The following CHST9 variants were observed in gnomAD, a reference collection of about 807,000 sequenced individuals.
The protein encoded by CHST9 is carbohydrate sulfotransferase 9, also known as GalNAc-4-sulfotransferase 2.
CHST9 carries 41 observed loss-of-function variants against 44.4 expected under a neutral mutation model. The observed-to-expected ratio is 0.92, with a 90% CI of 0.72 to 1.20. CHST9 has a LOEUF of 1.20. CHST9 is among the 50% of genes most tolerant of loss of function. The pLI, the probability that CHST9 is intolerant of heterozygous loss-of-function variation, is 0.00. For synonymous variants in CHST9, 171 were observed against 178.4 expected (o/e 0.96, Z 0.33); for missense variants, 504 against 516.5 (o/e 0.98, Z 0.23).
intron 1 of CHST9, among the ~76,000 whole-genome samples, chr18:27,162,092 C>A (rs1347078123): frequency 6.6e-6 from 1 of 152,172 alleles, no homozygotes; most frequent in Non-Finnish European, 1.5e-5. Context: ...TCAGTTGGAG[C>A]ATTTAGCCCA....
At chr18:26,985,976 A>G (rs1390429399) in intron 4 of CHST9, among the ~76,000 whole-genome samples, 1 of 152,218 alleles carries the variant, frequency 6.6e-6, no homozygotes, top group African/African-American at 2.4e-5. Context: ...ACTCTCTCCA[A>G]GTAATTTAAC....
intron 2 of CHST9, among the ~76,000 whole-genome samples, chr18:27,134,695 C>T (rs753412769): frequency 2.6e-5 from 4 of 152,118 alleles, no homozygotes; most frequent in East Asian, 1.9e-4. Context: ...ATATAATTCT[C>T]TTATAGGCAC....
Position 27,052,251 on chromosome 18 carries a change from TG to T in CHST9, c.122-3749del, listed in dbSNP as rs2057575405. On this transcript the variant is annotated intron_variant, in intron 2 of 5. Coordinates refer to ENST00000618847, the MANE Select transcript of CHST9 (RefSeq NM_031422.6). Reference sequence around the variant, plus strand: ...ATGTATGTGTGTATATATAGGTGTGTGTGTATATATATATGTGTATATATAT... The same window carrying T: ...ATGTATGTGTGTATATATAGGTGTGTTGTATATATATATGTGTATATATAT... Among the ~76,000 whole-genome samples, 21 of 150,160 alleles carry T rather than the reference TG, an allele frequency of 1.4e-4. No individual in the cohort carries two copies. In the Admixed American group the frequency reaches 1.4e-3, roughly 10 times the overall value.
In CHST9 at chr18:26,913,498, A is replaced by G. The variant is rs1371088034; in HGVS notation, c.*2761T>C. ...ACAGGTTACATAACTGTGGTTTTGG[A>G]TTTAATTGCCAACTTGTTACCCTGA... On this transcript the variant is annotated 3_prime_UTR_variant, in exon 6 of 6. Coordinates refer to ENST00000618847, the MANE Select transcript of CHST9 (RefSeq NM_031422.6). 1 of 152,188 alleles carries G rather than the reference A, an allele frequency of 6.6e-6. No individual in the cohort carries two copies. Among genetic ancestry groups the G allele is most frequent in the African/African-American group, 2.4e-5 (1 of 41,436 alleles). 9.4% of individuals were successfully genotyped at this position (152,188 alleles called of 1,614,324 possible).
chr18:27,178,875 G>A (rs533199484), intron 1 of CHST9, among the ~76,000 whole-genome samples: 4 of 152,118 alleles, frequency 2.6e-5, no homozygotes, highest in African/African-American at 4.8e-5. Context: ...TTCATAGCAC[G>A]TAGTTTTGTG....
At chr18:27,154,172 A>G (rs984949728) in intron 1 of CHST9, among the ~76,000 whole-genome samples, 1 of 152,124 alleles carries the variant, frequency 6.6e-6, no homozygotes, top group South Asian at 2.1e-4. Context: ...GTTAGGGTAC[A>G]GCATTTTTTG....
At chr18:26,927,948 GGT>G (rs1306462919) in intron 5 of CHST9, among the ~76,000 whole-genome samples, 1 of 151,894 alleles carries the variant, frequency 6.6e-6, no homozygotes, top group Non-Finnish European at 1.5e-5. Context: ...CGCCTTCCGT[GGT>G]GTTTTATTTC....
At chr18:26,931,530 C>A (rs1369143124) in intron 5 of CHST9, among the ~76,000 whole-genome samples, 1 of 152,222 alleles carries the variant, frequency 6.6e-6, no homozygotes, top group African/African-American at 2.4e-5. Flanking sequence ...TGTGGGAAGA[C>A]CCTCTTGTCT....
At chr18:26,975,765 A>ATATATATATAT (rs1598609397) in intron 4 of CHST9, among the ~76,000 whole-genome samples, 1 of 114,336 alleles carries the variant, frequency 8.7e-6, no homozygotes, top group African/African-American at 3.4e-5. Context: ...ATATATATAT[A>ATATATATATAT]ACATTTTCTT....
At chr18:27,146,652 A>G (rs1192743808) in intron 1 of CHST9, among the ~76,000 whole-genome samples, 1 of 152,168 alleles carries the variant, frequency 6.6e-6, no homozygotes, top group Non-Finnish European at 1.5e-5. Context: ...CCCTTCCCAT[A>G]AACAGAATAT....
chr18:26,936,940 C>G (rs2056003725), intron 5 of CHST9, among the ~76,000 whole-genome samples: 1 of 152,054 alleles, frequency 6.6e-6, no homozygotes, highest in Non-Finnish European at 1.5e-5. Context: ...TCCATATTTT[C>G]TCACATGGGT....
intron 2 of CHST9, among the ~76,000 whole-genome samples, chr18:27,072,494 A>T (rs1009214579): frequency 1.1e-4 from 16 of 152,092 alleles, no homozygotes; most frequent in African/African-American, 3.4e-4. Flanking sequence ...GCTTTAAGTT[A>T]GTAGGGGACA....
chr18:27,041,701 A>C (rs780729276), intron 3 of CHST9, among the ~76,000 whole-genome samples: 1 of 152,150 alleles, frequency 6.6e-6, no homozygotes. Flanking sequence ...GTCTGCATAC[A>C]CACACTCCTT....
At chr18:26,945,851 CA>C (rs759540596) in intron 4 of CHST9, among the ~76,000 whole-genome samples, 1 of 151,920 alleles carries the variant, frequency 6.6e-6, no homozygotes, top group Non-Finnish European at 1.5e-5. Context: ...AAACTGTTTT[CA>C]AAAAAAGATG....
At chr18:27,144,747 C>T (rs986114156) in intron 1 of CHST9, among the ~76,000 whole-genome samples, 1 of 152,046 alleles carries the variant, frequency 6.6e-6, no homozygotes, top group African/African-American at 2.4e-5. Flanking sequence ...AGCTGATATC[C>T]ATGATACCAC....
chr18:27,144,535 A>C, intron 1 of CHST9, among the ~76,000 whole-genome samples: 1 of 152,054 alleles, frequency 6.6e-6, no homozygotes, highest in East Asian at 1.9e-4. Context: ...AATAGATTTT[A>C]AAATTAGCCC....
intron 4 of CHST9, among the ~76,000 whole-genome samples, chr18:26,963,495 T>C (rs2056426195): frequency 6.6e-6 from 1 of 150,888 alleles, no homozygotes; most frequent in South Asian, 2.1e-4. Flanking sequence ...AGCTCCCCCA[T>C]CTGTTCAAAT....
chr18:27,041,252 A>G (rs2057441404), intron 3 of CHST9, among the ~76,000 whole-genome samples: 1 of 152,082 alleles, frequency 6.6e-6, no homozygotes, highest in Non-Finnish European at 1.5e-5. Context: ...TTCTATTTCA[A>G]TTGGGAATTA....
intron 2 of CHST9, among the ~76,000 whole-genome samples, chr18:27,135,134 C>T (rs1446025442): frequency 6.6e-6 from 1 of 151,990 alleles, no homozygotes; most frequent in Non-Finnish European, 1.5e-5. Context: ...TGTATTAAGA[C>T]ATCATGTTGT....
Sources: gnomAD v4.1 joint callset for allele counts (sites outside exome capture counted in the v4.1 genomes callset) on GRCh38, gnomAD v4.1.1 for gene constraint, MANE v1.5 for transcripts, NCBI Gene and HGNC (gene_info 2026-07-23, HGNC 2026-07-21) for gene names.